The following CCDC167 variants were observed in gnomAD, a reference collection of about 807,000 sequenced individuals.
The protein encoded by CCDC167 is coiled-coil domain containing 167.
Under a neutral mutation model 12.7 loss-of-function variants are expected in CCDC167, and 15 were observed. The observed-to-expected ratio is 1.18, with a 90% CI of 0.79 to 1.81. The LOEUF is 1.81. Ranked by LOEUF, CCDC167 falls within the 40% of genes most tolerant of loss-of-function variation. The pLI is 0.00. For missense variants in CCDC167, 121 were observed against 120.1 expected (o/e 1.01, Z -0.03); for synonymous variants, 52 against 49.0 (o/e 1.06, Z -0.26).
At chr6:37,484,992 G>T in intron 2 of CCDC167, 108 bp downstream of exon 2, 1 of 1,438,808 alleles carries the variant, frequency 7.0e-7, no homozygotes, top group Non-Finnish European at 9.7e-7. Flanking sequence ...AAGCTAAGAT[G>T]TCAGGGACCC....
In CCDC167 at chr6:37,497,528, A is replaced by G. The variant is rs1040459833; in HGVS notation, c.42+2294T>C. Among the ~76,000 whole-genome samples the G allele has an allele frequency of 1.0e-4, 6 of 59,520 alleles. No individual in the cohort carries two copies. The East Asian group carries it at 1.6e-3, about 16-fold the overall frequency. 39.0% of individuals were successfully genotyped at this position (59,520 alleles called of 152,430 possible). On this transcript the variant is annotated intron_variant, in intron 1 of 3. Transcript: ENST00000373408. ...GAATGCCAGACAGCACTTCAGCCCT[A>G]TGCTTGGGGTCGGGGGTCGGGGATC...
At chr6:37,490,198 G>A (rs1053332080) in intron 1 of CCDC167, among the ~76,000 whole-genome samples, 3 of 152,242 alleles carry the variant, frequency 2.0e-5, no homozygotes, top group Non-Finnish European at 4.4e-5. Context: ...CTGGGGAGGC[G>A]CTGTGTGAAG....
At chr6:37,484,940 C>G (rs950076877) in intron 2 of CCDC167, 78 bp from the exon 3 acceptor site, 94 of 1,583,882 alleles carry the variant, frequency 5.9e-5, no homozygotes, top group Non-Finnish European at 7.8e-5. Context: ...TGCCAGTTGG[C>G]AGGGCTTGGG....
At chr6:37,484,015 T>G (rs1761906340) in intron 3 of CCDC167, among the ~76,000 whole-genome samples, 2 of 152,194 alleles carry the variant, frequency 1.3e-5, no homozygotes, top group Non-Finnish European at 2.9e-5. Flanking sequence ...CTGTCTGTGC[T>G]GGGCAGTGGG....
chr6:37,485,001 C>T, intron 2 of CCDC167, 99 bp downstream of exon 2: 1 of 1,447,674 alleles, frequency 6.9e-7, no homozygotes, highest in Non-Finnish European at 9.6e-7. Flanking sequence ...TGTCAGGGAC[C>T]CAAACCCTCT....
chr6:37,493,609 G>C (rs1314832303), intron 1 of CCDC167, among the ~76,000 whole-genome samples: 1 of 152,230 alleles, frequency 6.6e-6, no homozygotes, highest in Admixed American at 6.5e-5. Context: ...CTCATTTAAT[G>C]GTCAGCGGCC....
rs1234388018 is a variant in CCDC167 at position 37,483,080 on chromosome 6, A to C, written c.*106T>G. ...AGCCATGCTTGAACACTAGGTTGGG[A>C]GGGGAACACCCCAGCACCTTGGTCC... is the stretch of plus-strand genomic sequence containing the variant. On this transcript the variant is annotated 3_prime_UTR_variant, in exon 4 of 4. Coordinates refer to ENST00000373408, the MANE Select transcript of CCDC167 (RefSeq NM_138493.3). 2.2e-6 allele frequency: 2 copies of C among 898,034 alleles called. No individual in the cohort carries two copies. Among genetic ancestry groups the C allele is most frequent in the Non-Finnish European group, 3.7e-6 (2 of 538,528 alleles). 55.6% of individuals were successfully genotyped at this position (898,034 alleles called of 1,614,324 possible). A position where few individuals can be genotyped will look rare whatever the true frequency, so the allele number is the denominator to read the frequency against.
intron 3 of CCDC167, 70 bp from the exon 4 acceptor site, chr6:37,483,359 A>G (rs1761896281): frequency 3.0e-6 from 3 of 1,001,260 alleles, no homozygotes; most frequent in Non-Finnish European, 4.8e-6. Flanking sequence ...TGCCTCTCCA[A>G]CGAGTGGGTA....
intron 1 of CCDC167, among the ~76,000 whole-genome samples, chr6:37,487,885 C>T (rs761874714): frequency 6.6e-6 from 1 of 152,222 alleles, no homozygotes; most frequent in Admixed American, 6.5e-5. Context: ...CTTAAACGGT[C>T]GAACACAAAT....
chr6:37,490,837 G>A (rs1762010150), intron 1 of CCDC167, among the ~76,000 whole-genome samples: 1 of 152,130 alleles, frequency 6.6e-6, no homozygotes, highest in African/African-American at 2.4e-5. Flanking sequence ...TCTTCCTGCA[G>A]CCTCCCTGAG....
At chr6:37,486,231 C>T (rs1561797694) in intron 1 of CCDC167, among the ~76,000 whole-genome samples, 2 of 152,198 alleles carry the variant, frequency 1.3e-5, no homozygotes, top group Admixed American at 1.3e-4. Context: ...CTCCATTTCA[C>T]GAATGGAAGA....
intron 1 of CCDC167, among the ~76,000 whole-genome samples, chr6:37,489,015 A>G (rs1337179443): frequency 1.3e-5 from 2 of 152,110 alleles, no homozygotes; most frequent in Admixed American, 6.5e-5. Flanking sequence ...AGGTGGGCGG[A>G]TCACGAGGTC....
Position 37,499,887 on chromosome 6 carries a change from C to T in CCDC167, c.-24G>A, listed in dbSNP as rs1222184440. The T allele has an allele frequency of 6.2e-7, 1 of 1,613,786 alleles. No homozygotes were observed. The highest frequency in any genetic ancestry group is 1.3e-5 in the African/African-American group (1 of 74,926). ...ATGTTACTTGCCGGGATCCCCCAGT[C>T]ATCACTGGACGCGCCCACCAAGTCG... On this transcript the variant is annotated 5_prime_UTR_variant, in exon 1 of 4. The change abolishes an upstream ATG in the 5' untranslated region. Coordinates refer to ENST00000373408, the MANE Select transcript of CCDC167 (RefSeq NM_138493.3).
intron 1 of CCDC167, among the ~76,000 whole-genome samples, chr6:37,498,618 G>C (rs867336513): frequency 2.4e-4 from 36 of 151,952 alleles, no homozygotes; most frequent in African/African-American, 7.7e-4. Flanking sequence ...TTGAGGTCAA[G>C]AGTTCAAGAC....
intron 1 of CCDC167, 64 bp from the exon 2 acceptor site, chr6:37,485,258 G>C: frequency 7.8e-7 from 1 of 1,285,174 alleles, no homozygotes; most frequent in South Asian, 1.2e-5. Context: ...ACTGGGACTG[G>C]GAAGCAGGGC....
In CCDC167 at chr6:37,485,128, G is replaced by T; in HGVS notation, c.109C>A (p.His37Asn). 6.2e-7 allele frequency: 1 copy of T among 1,613,384 alleles called. No homozygotes were observed. Residue 37 changes from histidine to asparagine, a missense_variant, in exon 2 of 4, where the codon CAC becomes AAC. Transcript: ENST00000373408. ...GCCTCTGGGCTCAGCTCCCGGCTGT[G>T]GAGTCTGGAGTTCACGGCCTCCAGG... ...RDLEAVNSRL[H>N]SRELSPEARR...
chr6:37,488,929 A>G (rs898295313), intron 1 of CCDC167, among the ~76,000 whole-genome samples: 1 of 152,182 alleles, frequency 6.6e-6, no homozygotes, highest in Non-Finnish European at 1.5e-5. Context: ...TGGCAAGAGT[A>G]AGAGAAGGTG....
At chr6:37,485,044 A>G in intron 2 of CCDC167, 56 bp downstream of exon 2, 1 of 1,518,154 alleles carries the variant, frequency 6.6e-7, no homozygotes, top group Non-Finnish European at 9.1e-7. Context: ...CCCAGGATAG[A>G]TACAGGGGGT....
chr6:37,483,551 G>A (rs1255127431), intron 3 of CCDC167, among the ~76,000 whole-genome samples: 1 of 152,254 alleles, frequency 6.6e-6, no homozygotes, highest in Non-Finnish European at 1.5e-5. Context: ...TGAGGGTGAG[G>A]TGGGTGAGGA....
Sources: allele counts gnomAD v4.1 joint callset (sites outside exome capture counted in the v4.1 genomes callset), GRCh38; gene constraint gnomAD v4.1.1; transcripts MANE v1.5; gene names NCBI Gene and HGNC (gene_info 2026-07-23, HGNC 2026-07-21).